UVRAG: variants seen among roughly 807,000 people sequenced by gnomAD.
The protein encoded by UVRAG is UV radiation resistance-associated gene protein.
A neutral mutation model predicts 78.0 loss-of-function variants in UVRAG; 19 were observed. The ratio of observed to expected loss-of-function variants is 0.24; its 90% confidence interval spans 0.17 to 0.36. The LOEUF is 0.36. Among genes scored for constraint, UVRAG ranks in the 10% least tolerant of loss-of-function variants. The pLI, the probability that UVRAG is intolerant of heterozygous loss-of-function variation, is 1.00. For missense variants in UVRAG, 740 were observed against 853.8 expected, an observed-to-expected ratio of 0.87 and a Z score of 1.66; for synonymous variants, 323 against 324.6, an observed-to-expected ratio of 1.00 and a Z score of 0.05.
intron 13 of UVRAG, among the ~76,000 whole-genome samples, chr11:76,087,508 G>A (rs1211011732): frequency 6.6e-6 from 1 of 152,098 alleles, no homozygotes; most frequent in African/African-American, 2.4e-5. Flanking sequence ...CATAATTACT[G>A]TGTGTCAGAC....
intron 12 of UVRAG, among the ~76,000 whole-genome samples, chr11:76,029,822 T>A (rs1000071150): frequency 6.6e-6 from 1 of 152,234 alleles, no homozygotes; most frequent in Admixed American, 6.5e-5. Context: ...CAGCATTGCA[T>A]GCTACATGAA....
intron 7 of UVRAG, among the ~76,000 whole-genome samples, chr11:75,962,815 G>C (rs188708302): frequency 2.0e-5 from 3 of 152,274 alleles, no homozygotes; most frequent in Admixed American, 2.0e-4. Flanking sequence ...CCCAAGGAAA[G>C]ACTGGGAAAT....
At chr11:75,972,451 C>T (rs1325025752) in intron 7 of UVRAG, among the ~76,000 whole-genome samples, 2 of 152,068 alleles carry the variant, frequency 1.3e-5, no homozygotes, top group Non-Finnish European at 2.9e-5. Context: ...TCTGTTTCTT[C>T]CTTCTTTCCT....
intron 6 of UVRAG, among the ~76,000 whole-genome samples, chr11:75,936,958 G>A (rs996162374): frequency 3.0e-4 from 46 of 152,150 alleles, no homozygotes; most frequent in African/African-American, 1.1e-3. Flanking sequence ...GTCTTGCTAT[G>A]TTGCCCAGGC....
chr11:76,137,458 A>G, intron 14 of UVRAG: 1 of 456,308 alleles, frequency 2.2e-6, no homozygotes, highest in South Asian at 1.5e-5. Context: ...AGATGGTAAG[A>G]AAAGCTGTAA....
intron 6 of UVRAG, among the ~76,000 whole-genome samples, chr11:75,944,004 T>TA (rs1292520170): frequency 6.6e-6 from 1 of 152,154 alleles, no homozygotes; most frequent in Non-Finnish European, 1.5e-5. Context: ...GCAGAGAATT[T>TA]ATTAGGCATT....
At chr11:76,101,534 G>A (rs1951879773) in intron 13 of UVRAG, among the ~76,000 whole-genome samples, 2 of 151,844 alleles carry the variant, frequency 1.3e-5, no homozygotes, top group South Asian at 4.2e-4. Flanking sequence ...TAGGTTGTCT[G>A]TTTACTCTGT....
At chr11:76,089,339 T>TA (rs1951653129) in intron 13 of UVRAG, among the ~76,000 whole-genome samples, 1 of 152,196 alleles carries the variant, frequency 6.6e-6, no homozygotes, top group Non-Finnish European at 1.5e-5. Context: ...TTCAAAGTGT[T>TA]ATAGTGTTTT....
At chr11:75,909,390 A>G (rs936889892) in intron 5 of UVRAG, among the ~76,000 whole-genome samples, 12 of 152,164 alleles carry the variant, frequency 7.9e-5, no homozygotes, top group African/African-American at 2.7e-4. Context: ...TGGCTGAGGC[A>G]GGAGGATCGC....
intron 5 of UVRAG, among the ~76,000 whole-genome samples, chr11:75,909,657 A>T (rs867913266): frequency 6.6e-6 from 1 of 152,210 alleles, no homozygotes; most frequent in South Asian, 2.1e-4. Flanking sequence ...GTGCCCATCA[A>T]GATAGATTTA....
intron 12 of UVRAG, among the ~76,000 whole-genome samples, chr11:76,032,528 G>A (rs1006944880): frequency 1.3e-5 from 2 of 152,148 alleles, no homozygotes; most frequent in Non-Finnish European, 2.9e-5. Context: ...TGAGCACTAG[G>A]ACATACTAGT....
chr11:76,086,092 A>G (rs1951585082), intron 13 of UVRAG, among the ~76,000 whole-genome samples: 1 of 152,244 alleles, frequency 6.6e-6, no homozygotes, highest in Non-Finnish European at 1.5e-5. Context: ...GCTTTAAATA[A>G]GTAACACGGG....
intron 6 of UVRAG, among the ~76,000 whole-genome samples, chr11:75,918,210 C>CAAAAAAAAAA (rs67178910): frequency 4.2e-4 from 23 of 55,416 alleles, no homozygotes; most frequent in East Asian, 1.1e-3. Context: ...ACTAAAAATA[C>CAAAAAAAAAA]AAAAAAAAAA....
chr11:76,053,479 A>C (rs914729459), intron 12 of UVRAG, among the ~76,000 whole-genome samples: 13 of 152,084 alleles, frequency 8.5e-5, no homozygotes, highest in African/African-American at 2.7e-4. Context: ...TGTAACAATC[A>C]ATCCATCACA....
Position 76,141,050 on chromosome 11 carries a change from G to A in UVRAG, c.1737G>A (p.Val579=). Residue 579 remains valine, a synonymous_variant, in exon 15 of 15, where the codon GTG becomes GTA. Coordinates refer to ENST00000356136, the MANE Select transcript of UVRAG (RefSeq NM_003369.4). ...VGSLNGGHAN[V]HPSQEQGEAL... ...GCTTAAACGGAGGCCACGCGAATGTGCACCCTAGCCAAGAACAAGGAGAAG... is the reference window on the plus strand; with the variant it reads ...GCTTAAACGGAGGCCACGCGAATGTACACCCTAGCCAAGAACAAGGAGAAG... 6.2e-7 allele frequency: 1 copy of A among 1,614,134 alleles called. No individual in the cohort carries two copies. The highest frequency in any genetic ancestry group is 8.5e-7 in the Non-Finnish European group (1 of 1,180,040).
chr11:76,069,733 G>C (rs1951265138), intron 13 of UVRAG, among the ~76,000 whole-genome samples: 1 of 152,112 alleles, frequency 6.6e-6, no homozygotes, highest in Non-Finnish European at 1.5e-5. Context: ...TTTGAGGACA[G>C]CTTGGCTTTT....
chr11:76,077,248 G>C (rs777780875), intron 13 of UVRAG, among the ~76,000 whole-genome samples: 1 of 151,046 alleles, frequency 6.6e-6, no homozygotes, highest in African/African-American at 2.4e-5. Flanking sequence ...TTTATACATA[G>C]TTTTTTCCAA....
intron 1 of UVRAG, among the ~76,000 whole-genome samples, chr11:75,818,653 A>G (rs776058552): frequency 1.3e-5 from 2 of 151,830 alleles, no homozygotes; most frequent in African/African-American, 2.4e-5. Context: ...TAATTTTTGT[A>G]TTTTTAGTAG....
intron 7 of UVRAG, among the ~76,000 whole-genome samples, chr11:75,965,654 T>G (rs1949006939): frequency 6.6e-6 from 1 of 152,174 alleles, no homozygotes; most frequent in Non-Finnish European, 1.5e-5. Flanking sequence ...CTGAAGTGTT[T>G]TATGGGAGTT....
Sources: gnomAD v4.1 joint callset for allele counts (sites outside exome capture counted in the v4.1 genomes callset) on GRCh38, gnomAD v4.1.1 for gene constraint, MANE v1.5 for transcripts, NCBI Gene and HGNC (gene_info 2026-07-23, HGNC 2026-07-21) for gene names.